Variants in SCFD1 observed in about 807,000 individuals in gnomAD.
SCFD1 encodes the protein sec1 family domain containing 1, also known as sec1 family domain-containing protein 1.
A neutral mutation model predicts 103.2 loss-of-function variants in SCFD1; 37 were observed. That is an observed-to-expected ratio of 0.36 (90% CI 0.28 to 0.47). The LOEUF (loss-of-function observed/expected upper bound fraction) is 0.47, where lower values mean the gene tolerates loss of function less well. Among genes scored for constraint, SCFD1 ranks in the 20% least tolerant of loss-of-function variants. The probability of loss-of-function intolerance (pLI) is 1.00; values close to 1 mark genes in which losing one functional copy is unlikely to be tolerated. For missense variants in SCFD1, 639 were observed against 761.2 expected, an observed-to-expected ratio of 0.84 and a Z score of 1.89; for synonymous variants, 264 against 245.0, an observed-to-expected ratio of 1.08 and a Z score of -0.73.
intron 7 of SCFD1, among the ~76,000 whole-genome samples, chr14:30,646,378 T>C (rs1885831249): frequency 6.7e-6 from 1 of 150,148 alleles, no homozygotes; most frequent in African/African-American, 2.5e-5. Flanking sequence ...CTGTGTCTGT[T>C]GAGATGATCA....
rs1037231906 is a variant in SCFD1, at chr14:30,633,979, A to G, written c.254A>G (p.Asp85Gly). 6.2e-7 allele frequency: 1 copy of G among 1,604,588 alleles called. No homozygotes were observed. Among genetic ancestry groups the G allele is most frequent in the Non-Finnish European group, 8.5e-7 (1 of 1,173,804 alleles). The change falls in exon 4 of 25, where the codon GAT becomes GGT. Residue 85 changes from aspartate to glycine, a missense_variant. By Grantham distance (94) the Asp-to-Gly change is moderately conservative. Coordinates refer to ENST00000458591, the MANE Select transcript of SCFD1 (RefSeq NM_016106.4). ...LLHSDRDPIP[D>G]VPAVYFVMPT... is the part of the protein sequence containing the mutation. ...CACTCTGATCGAGATCCTATTCCAGATGTTCCTGCAGTATACTTTGTAATG... is the reference window on the plus strand; with the variant it reads ...CACTCTGATCGAGATCCTATTCCAGGTGTTCCTGCAGTATACTTTGTAATG...
intron 10 of SCFD1, among the ~76,000 whole-genome samples, chr14:30,660,327 A>G (rs72642544): frequency 0.045 from 6,857 of 152,092 alleles, 386 homozygotes; most frequent in East Asian, 0.3. Context: ...AATTGATTAG[A>G]TCTCATTCAA....
chr14:30,659,467 C>G (rs906805923), intron 10 of SCFD1, among the ~76,000 whole-genome samples: 1 of 152,124 alleles, frequency 6.6e-6, no homozygotes, highest in African/African-American at 2.4e-5. Flanking sequence ...CAGTGCAATT[C>G]TAAATCATAA....
chr14:30,664,288 C>T (rs1422800820), intron 10 of SCFD1, among the ~76,000 whole-genome samples: 1 of 152,060 alleles, frequency 6.6e-6, no homozygotes, highest in Non-Finnish European at 1.5e-5. Flanking sequence ...CAGCAAACTC[C>T]AACAGACCTG....
chr14:30,692,634 T>A (rs1375055708), intron 14 of SCFD1, among the ~76,000 whole-genome samples: 1 of 152,194 alleles, frequency 6.6e-6, no homozygotes, highest in Non-Finnish European at 1.5e-5. Context: ...CAAGTTAAAG[T>A]TTAATGAAAT....
intron 13 of SCFD1, 45 bp downstream of exon 13, chr14:30,674,042 A>ATTT: frequency 7.4e-7 from 1 of 1,348,630 alleles, no homozygotes; most frequent in South Asian, 1.3e-5. Context: ...TGTTGATAGG[A>ATTT]TTTTTTTTTT....
chr14:30,671,763 T>TATTTCAGA (rs1888562714), intron 11 of SCFD1, among the ~76,000 whole-genome samples: 1 of 152,232 alleles, frequency 6.6e-6, no homozygotes, highest in East Asian at 1.9e-4. Context: ...CCTATTGCCC[T>TATTTCAGA]ATTTCAGAAG....
chr14:30,713,520 C>T lies in SCFD1; in HGVS notation c.1630-2404C>T, dbSNP rs181017050. Among the ~76,000 whole-genome samples the T allele has an allele frequency of 3.4e-4, 51 of 152,198 alleles. 1 individual carries two copies. The highest frequency in any genetic ancestry group is 6.8e-3 in the Middle Eastern group (2 of 294). On this transcript the variant is annotated intron_variant, in intron 19 of 24. Transcript: ENST00000458591. ...TTGGCAGACTTGTCTTCAGATATAGCAGAACTATAAAACACAAAGTAAAAT... is the reference window on the plus strand; with the variant it reads ...TTGGCAGACTTGTCTTCAGATATAGTAGAACTATAAAACACAAAGTAAAAT...
At chr14:30,668,388 A>G (rs1888215433) in intron 10 of SCFD1, among the ~76,000 whole-genome samples, 1 of 152,230 alleles carries the variant, frequency 6.6e-6, no homozygotes, top group Admixed American at 6.5e-5. Context: ...AACCTTATAC[A>G]AAAATTAATT....
intron 19 of SCFD1, among the ~76,000 whole-genome samples, chr14:30,711,867 A>G (rs1015944495): frequency 3.3e-5 from 5 of 152,042 alleles, no homozygotes; most frequent in African/African-American, 1.2e-4. Context: ...ACGTAGGGGA[A>G]TGGGTAGTAG....
chr14:30,638,125 G>T lies in SCFD1; in HGVS notation c.313G>T (p.Asp105Tyr). The part of the protein sequence containing the change: ...TEENIDRMCQ[D>Y]LRNQLYESYY... ...AATAAAGTTTTCATTGTATTGATAG[G>T]ATCTTCGAAATCAACTATATGAATC... is the stretch of plus-strand genomic sequence containing the variant. Residue 105 changes from aspartate (D) to tyrosine (Y), a missense_variant and splice_region_variant, in exon 5 of 25, where the codon GAT becomes TAT. Physicochemically the swap from Asp to Tyr is radical, Grantham distance 160. Transcript: ENST00000458591. 1 of 1,599,934 alleles carries T rather than the reference G, an allele frequency of 6.3e-7. No individual in the cohort carries two copies. Among genetic ancestry groups the T allele is most frequent in the South Asian group, 1.1e-5 (1 of 88,598 alleles).
intron 1 of SCFD1, 69 bp from the exon 2 acceptor site, chr14:30,628,140 A>G (rs1883718145): frequency 8.7e-7 from 1 of 1,151,160 alleles, no homozygotes; most frequent in Admixed American, 2.0e-5. Flanking sequence ...TGGGGTAGTG[A>G]ATGATGATGG....
At chr14:30,662,440 G>A (rs1424144383) in intron 10 of SCFD1, among the ~76,000 whole-genome samples, 1 of 152,068 alleles carries the variant, frequency 6.6e-6, no homozygotes, top group African/African-American at 2.4e-5. Context: ...CACTTCCATC[G>A]TTATCAAGAA....
chr14:30,666,734 C>T (rs1391942256), intron 10 of SCFD1, among the ~76,000 whole-genome samples: 12 of 152,122 alleles, frequency 7.9e-5, no homozygotes, highest in South Asian at 2.1e-4. Flanking sequence ...TCACTGATCC[C>T]ACAGAAATAC....
At chr14:30,729,388 T>A (rs1240812619) in intron 23 of SCFD1, among the ~76,000 whole-genome samples, 1 of 152,236 alleles carries the variant, frequency 6.6e-6, no homozygotes, top group Admixed American at 6.5e-5. Context: ...AAATATGGTA[T>A]GAAGATCCAG....
At chr14:30,683,404 C>A in intron 14 of SCFD1, 1 of 534,348 alleles carries the variant, frequency 1.9e-6, no homozygotes, top group South Asian at 1.6e-5. Flanking sequence ...GCAGCTGCTC[C>A]ATGGATGGCC....
intron 15 of SCFD1, among the ~76,000 whole-genome samples, chr14:30,697,191 A>T (rs986888916): frequency 6.6e-6 from 1 of 152,112 alleles, no homozygotes; most frequent in Non-Finnish European, 1.5e-5. Flanking sequence ...CTCCTTGGAG[A>T]GGTAGCTGAT....
intron 7 of SCFD1, chr14:30,643,919 T>C (rs955536154): frequency 2.2e-6 from 1 of 456,334 alleles, no homozygotes; most frequent in African/African-American, 2.0e-5. Flanking sequence ...CATGGGTAAA[T>C]TGCGTGTCAC....
intron 23 of SCFD1, among the ~76,000 whole-genome samples, chr14:30,730,164 T>C (rs551972598): frequency 6.6e-6 from 1 of 152,320 alleles, no homozygotes; most frequent in South Asian, 2.1e-4. Flanking sequence ...CAGCTTCATC[T>C]ATGTCCCTAC....
Sources: allele counts gnomAD v4.1 joint callset (sites outside exome capture counted in the v4.1 genomes callset), GRCh38; gene constraint gnomAD v4.1.1; transcripts MANE v1.5; gene names NCBI Gene and HGNC (gene_info 2026-07-23, HGNC 2026-07-21).